The following ERC1 variants were observed in gnomAD, a reference collection of about 807,000 sequenced individuals.
The protein encoded by ERC1 is RAB6 interacting protein 2.
Under a neutral mutation model 132.0 loss-of-function variants are expected in ERC1, and 56 were observed. The observed-to-expected ratio is 0.42, with a 90% confidence interval of 0.34 to 0.53. ERC1 has a LOEUF of 0.53. ERC1 is among the 20% of genes least tolerant of loss of function. The pLI is 0.03. For missense variants in ERC1, 1,202 were observed against 1,349.9 expected (o/e 0.89, Z 1.72); for synonymous variants, 478 against 476.1 (o/e 1.00, Z -0.05).
chr12:1,465,294 C>T lies in ERC1; in HGVS notation c.3213+20544C>T, dbSNP rs374367613. ...AGAAACTGTGGAAATGACAGTCTTCCGGTCCGGTCAGAGCATCTGAAATAA... is the reference window on the plus strand; with the variant it reads ...AGAAACTGTGGAAATGACAGTCTTCTGGTCCGGTCAGAGCATCTGAAATAA... On this transcript the variant is annotated intron_variant, in intron 18 of 18. Transcript: ENST00000360905. Among the ~76,000 whole-genome samples, 5 of 152,296 alleles carry T rather than the reference C, an allele frequency of 3.3e-5. No homozygotes were observed. In the South Asian group the frequency reaches 6.2e-4, roughly 19 times the overall value.
At chr12:1,289,380 A>T (rs1175209974) in intron 14 of ERC1, among the ~76,000 whole-genome samples, 1 of 151,988 alleles carries the variant, frequency 6.6e-6, no homozygotes, top group Non-Finnish European at 1.5e-5. Context: ...CTTCTTAATG[A>T]TGTAAATAGG....
intron 17 of ERC1, among the ~76,000 whole-genome samples, chr12:1,440,600 T>TTTTGTG (rs2093112096): frequency 2.0e-5 from 1 of 51,114 alleles, no homozygotes; most frequent in Non-Finnish European, 3.6e-5. Context: ...CCTCAGCCTT[T>TTTTGTG]TGTGTGTGTG....
chr12:1,370,869 A>G (rs1419467552), intron 15 of ERC1, among the ~76,000 whole-genome samples: 3 of 152,112 alleles, frequency 2.0e-5, no homozygotes, highest in Non-Finnish European at 4.4e-5. Flanking sequence ...CTGGGACCAG[A>G]AGCGTGTGCC....
chr12:1,204,830 G>A (rs1226210828), intron 12 of ERC1, among the ~76,000 whole-genome samples: 1 of 152,182 alleles, frequency 6.6e-6, no homozygotes, highest in African/African-American at 2.4e-5. Flanking sequence ...AACATTCAGT[G>A]GAGACATTCT....
At chr12:1,014,156 A>T (rs1965137026) in intron 1 of ERC1, among the ~76,000 whole-genome samples, 1 of 151,960 alleles carries the variant, frequency 6.6e-6, no homozygotes, top group Non-Finnish European at 1.5e-5. Flanking sequence ...TTATAATGAG[A>T]CTTAAAAAAA....
intron 15 of ERC1, among the ~76,000 whole-genome samples, chr12:1,318,858 C>T (rs376473198): frequency 8.5e-4 from 129 of 152,120 alleles, no homozygotes; most frequent in Non-Finnish European, 1.4e-3. Flanking sequence ...GATCAGTTTA[C>T]GGGCTGCAGC....
intron 2 of ERC1, among the ~76,000 whole-genome samples, chr12:1,063,523 A>T (rs10848431): frequency 0.48 from 72,989 of 152,000 alleles, 20,532 homozygotes; most frequent in East Asian, 0.79. Context: ...TGGCCTCCCA[A>T]AGTGCTGGGA....
At chr12:1,075,320 T>A (rs967339322) in intron 2 of ERC1, among the ~76,000 whole-genome samples, 3 of 152,188 alleles carry the variant, frequency 2.0e-5, no homozygotes, top group Non-Finnish European at 2.9e-5. Flanking sequence ...GATTAACACA[T>A]ATTTTGTATG....
At position 1,418,655 on chromosome 12, in the gene ERC1, C is replaced by T. The variant is rs12820578; in HGVS notation, c.3024+10408C>T. Among the ~76,000 whole-genome samples, 476 of 124,308 alleles carry T rather than the reference C, an allele frequency of 3.8e-3. 2 individuals are homozygous for T. The highest frequency in any genetic ancestry group is 0.013 in the African/African-American group (416 of 31,174). 81.6% of individuals were successfully genotyped at this position (124,308 alleles called of 152,430 possible). ...TCTTTCTTTCTTTCTCTCTCTCTCT[C>T]TCTCTCTTTCTTTTCTTTCTTTCTT... On this transcript the variant is annotated intron_variant, in intron 17 of 18. Transcript: ENST00000360905.
chr12:1,323,283 T>A (rs762058131), intron 15 of ERC1, among the ~76,000 whole-genome samples: 2 of 152,134 alleles, frequency 1.3e-5, no homozygotes, highest in Non-Finnish European at 2.9e-5. Flanking sequence ...CAACCAAAAG[T>A]ATTGTGTTAT....
intron 15 of ERC1, among the ~76,000 whole-genome samples, chr12:1,341,676 G>T (rs999555404): frequency 3.3e-5 from 5 of 151,740 alleles, no homozygotes; most frequent in African/African-American, 9.7e-5. Flanking sequence ...TGGGGGGTTG[G>T]GGGAGGGATA....
intron 12 of ERC1, among the ~76,000 whole-genome samples, chr12:1,221,377 G>A (rs907366614): frequency 4.6e-5 from 7 of 152,178 alleles, no homozygotes; most frequent in Admixed American, 3.3e-4. Context: ...AATTAGTGTA[G>A]TAGTGAGAAT....
At chr12:1,124,942 C>A (rs1010040835) in intron 7 of ERC1, among the ~76,000 whole-genome samples, 3 of 151,764 alleles carry the variant, frequency 2.0e-5, no homozygotes, top group Non-Finnish European at 4.4e-5. Flanking sequence ...TCCCTTTTTC[C>A]CTCCCAAATC....
chr12:1,405,559 C>T (rs757676695), intron 16 of ERC1, among the ~76,000 whole-genome samples: 4 of 151,842 alleles, frequency 2.6e-5, no homozygotes, highest in Non-Finnish European at 5.9e-5. Context: ...AAAAAATAGC[C>T]GGGCGTGGTG....
intron 2 of ERC1, among the ~76,000 whole-genome samples, chr12:1,077,002 T>G (rs1941459124): frequency 6.6e-6 from 1 of 152,198 alleles, no homozygotes; most frequent in African/African-American, 2.4e-5. Flanking sequence ...GAAGCTTGAC[T>G]TGGTTGACTT....
At chr12:1,224,566 G>A (rs2074406912) in intron 12 of ERC1, among the ~76,000 whole-genome samples, 1 of 151,838 alleles carries the variant, frequency 6.6e-6, no homozygotes, top group Non-Finnish European at 1.5e-5. Flanking sequence ...GTCTGATATA[G>A]GCAAACAACC....
At chr12:1,468,951 C>T (rs186230958) in intron 18 of ERC1, among the ~76,000 whole-genome samples, 1 of 152,300 alleles carries the variant, frequency 6.6e-6, no homozygotes, top group Non-Finnish European at 1.5e-5. Context: ...TCAGAGGCAT[C>T]TCTGTCTGTA....
At chr12:1,401,824 A>G (rs1233192069) in intron 16 of ERC1, among the ~76,000 whole-genome samples, 1 of 152,166 alleles carries the variant, frequency 6.6e-6, no homozygotes, top group African/African-American at 2.4e-5. Flanking sequence ...TAGTTATTCA[A>G]TTAAAAACTT....
At chr12:1,437,533 C>T (rs576307694) in intron 17 of ERC1, among the ~76,000 whole-genome samples, 1 of 152,354 alleles carries the variant, frequency 6.6e-6, no homozygotes, top group South Asian at 2.1e-4. Context: ...CCCTAACAGT[C>T]TGTTCCCTAT....
Sources: allele counts gnomAD v4.1 joint callset (sites outside exome capture counted in the v4.1 genomes callset), GRCh38; gene constraint gnomAD v4.1.1; transcripts MANE v1.5; gene names NCBI Gene and HGNC (gene_info 2026-07-23, HGNC 2026-07-21).